EXT1: variants seen among roughly 807,000 people sequenced by gnomAD.
EXT1 encodes exostosin-1.
EXT1 carries 20 observed loss-of-function variants against 82.5 expected under a neutral mutation model. That is an observed-to-expected ratio of 0.24 (90% CI 0.17 to 0.35). EXT1 has a LOEUF of 0.35. Ranked by LOEUF, EXT1 falls within the 10% of genes least tolerant of loss-of-function variation. EXT1 has a pLI of 1.00. For synonymous variants in EXT1, 348 were observed against 350.8 expected (o/e 0.99, Z 0.09); for missense variants, 757 against 936.5 (o/e 0.81, Z 2.50).
chr8:117,931,839 G>C (rs1342697556), intron 1 of EXT1, among the ~76,000 whole-genome samples: 1 of 152,150 alleles, frequency 6.6e-6, no homozygotes, highest in African/African-American at 2.4e-5. Context: ...GAATCCTAAA[G>C]TTGTGCATTC....
At chr8:118,082,278 T>C (rs1244640164) in intron 1 of EXT1, among the ~76,000 whole-genome samples, 2 of 151,898 alleles carry the variant, frequency 1.3e-5, no homozygotes, top group African/African-American at 4.9e-5. Context: ...TATTTATTTC[T>C]AAACTTTCGC....
intron 1 of EXT1, among the ~76,000 whole-genome samples, chr8:118,010,669 G>T (rs758301916): frequency 1.2e-4 from 19 of 152,146 alleles, no homozygotes; most frequent in Non-Finnish European, 2.4e-4. Context: ...ACATCACCTT[G>T]CTGGGAGGCT....
At chr8:118,036,919 T>C (rs1319086592) in intron 1 of EXT1, among the ~76,000 whole-genome samples, 2 of 152,102 alleles carry the variant, frequency 1.3e-5, no homozygotes, top group East Asian at 1.9e-4. Flanking sequence ...TTCCCCAGTG[T>C]CCCAAATTTG....
At chr8:117,824,847 CTTTT>C (rs970706696) in intron 4 of EXT1, among the ~76,000 whole-genome samples, 6 of 151,854 alleles carry the variant, frequency 4.0e-5, no homozygotes. Context: ...TCTTCTTCTT[CTTTT>C]TCTTTTTTTG....
intron 1 of EXT1, among the ~76,000 whole-genome samples, chr8:117,992,933 A>G (rs368456174): frequency 1.4e-4 from 21 of 152,312 alleles, no homozygotes; most frequent in African/African-American, 3.6e-4. Flanking sequence ...ATAAATCTCA[A>G]TATTTCAGCT....
intron 1 of EXT1, among the ~76,000 whole-genome samples, chr8:118,017,896 T>C (rs903002331): frequency 1.3e-5 from 2 of 152,116 alleles, no homozygotes; most frequent in East Asian, 1.9e-4. Flanking sequence ...TTTGAAAAAA[T>C]GCAACAAAAG....
At chr8:117,884,949 C>T (rs1321309307) in intron 1 of EXT1, among the ~76,000 whole-genome samples, 3 of 152,124 alleles carry the variant, frequency 2.0e-5, no homozygotes, top group Non-Finnish European at 4.4e-5. Flanking sequence ...TTCAATGGAT[C>T]GAAATACAAC....
chr8:117,906,625 C>T, intron 1 of EXT1, among the ~76,000 whole-genome samples: 1 of 152,166 alleles, frequency 6.6e-6, no homozygotes. Context: ...TTCCTTAAAG[C>T]ACAGAATTCA....
chr8:117,915,352 C>CATATATAT (rs58661474), intron 1 of EXT1, among the ~76,000 whole-genome samples: 73 of 147,360 alleles, frequency 5.0e-4, no homozygotes, highest in South Asian at 1.7e-3. Flanking sequence ...TAGATATAAC[C>CATATATAT]ATATATATAT....
At chr8:117,956,357 TCTGA>T (rs1459480860) in intron 1 of EXT1, among the ~76,000 whole-genome samples, 2 of 152,146 alleles carry the variant, frequency 1.3e-5, no homozygotes, top group Non-Finnish European at 1.5e-5. Flanking sequence ...GGTGGAAGAC[TCTGA>T]CTACCATTCT....
At chr8:117,879,997 G>A (rs1813033841) in intron 1 of EXT1, among the ~76,000 whole-genome samples, 1 of 152,156 alleles carries the variant, frequency 6.6e-6, no homozygotes, top group African/African-American at 2.4e-5. Context: ...CCTTCAGTAA[G>A]CCTGAAAATA....
chr8:117,934,421 C>A (rs1347164679), intron 1 of EXT1, among the ~76,000 whole-genome samples: 1 of 152,178 alleles, frequency 6.6e-6, no homozygotes, highest in Non-Finnish European at 1.5e-5. Context: ...GGGGAGCCTG[C>A]CTGCATGTTG....
intron 1 of EXT1, among the ~76,000 whole-genome samples, chr8:117,965,993 TACACACAC>T (rs35638588): frequency 6.6e-6 from 1 of 150,478 alleles, no homozygotes. Context: ...TACATGCATA[TACACACAC>T]ACACACACAC....
At chr8:118,089,130 T>A (rs1177248012) in intron 1 of EXT1, among the ~76,000 whole-genome samples, 1 of 152,180 alleles carries the variant, frequency 6.6e-6, no homozygotes, top group Non-Finnish European at 1.5e-5. Flanking sequence ...ATCATAAGGT[T>A]TTTTTATAGC....
At chr8:117,850,273 C>G (rs560309729) in intron 1 of EXT1, among the ~76,000 whole-genome samples, 5 of 152,336 alleles carry the variant, frequency 3.3e-5, no homozygotes, top group Middle Eastern at 3.4e-3. Context: ...TTGACAGCTC[C>G]GCTGTGTGTC....
intron 1 of EXT1, among the ~76,000 whole-genome samples, chr8:117,919,506 CTT>C (rs34037715): frequency 1.5e-4 from 21 of 140,988 alleles, no homozygotes; most frequent in African/African-American, 2.1e-4. Flanking sequence ...TGAGTTAAAA[CTT>C]TTTTTTTTTT....
At chr8:117,919,775 A>C (rs916701552) in intron 1 of EXT1, among the ~76,000 whole-genome samples, 2 of 152,190 alleles carry the variant, frequency 1.3e-5, no homozygotes, top group African/African-American at 4.8e-5. Flanking sequence ...AAGTGCTGCA[A>C]TTAAAGCCAT....
At chr8:117,880,926 G>A (rs761865934) in intron 1 of EXT1, among the ~76,000 whole-genome samples, 31 of 151,852 alleles carry the variant, frequency 2.0e-4, no homozygotes, top group Admixed American at 3.3e-4. Flanking sequence ...TTGTTTGTTG[G>A]GTTTATCGAC....
intron 1 of EXT1, among the ~76,000 whole-genome samples, chr8:117,881,389 G>A (rs1459987585): frequency 1.3e-5 from 2 of 152,106 alleles, no homozygotes; most frequent in Non-Finnish European, 2.9e-5. Context: ...TCATTTAGGA[G>A]GGCTACATAA....
Sources: allele counts gnomAD v4.1 joint callset (sites outside exome capture counted in the v4.1 genomes callset), GRCh38; gene constraint gnomAD v4.1.1; transcripts MANE v1.5; gene names NCBI Gene and HGNC (gene_info 2026-07-23, HGNC 2026-07-21).